KCNAB1: variants seen among roughly 807,000 people sequenced by gnomAD.
KCNAB1 encodes potassium voltage-gated channel subfamily A regulatory beta subunit 1.
KCNAB1 carries 35 observed loss-of-function variants against 64.6 expected under a neutral mutation model. The observed-to-expected ratio is 0.54, with a 90% confidence interval of 0.41 to 0.72. The LOEUF is 0.72. Among genes scored for constraint, KCNAB1 ranks in the 30% least tolerant of loss-of-function variants. KCNAB1 has a pLI of 0.00. For synonymous variants in KCNAB1, 177 were observed against 183.8 expected (o/e 0.96, Z 0.30); for missense variants, 401 against 512.9 (o/e 0.78, Z 2.11).
chr3:156,165,391 C>T (rs1212436059), intron 1 of KCNAB1, among the ~76,000 whole-genome samples: 1 of 151,346 alleles, frequency 6.6e-6, no homozygotes, highest in African/African-American at 2.4e-5. Context: ...AACTGACGGA[C>T]CCAGGCCTGT....
chr3:156,471,090 T>G (rs1459236017), intron 7 of KCNAB1, among the ~76,000 whole-genome samples: 3 of 152,208 alleles, frequency 2.0e-5, no homozygotes, highest in Non-Finnish European at 2.9e-5. Context: ...GAAAAGCAAG[T>G]GCGTGGTAGG....
At chr3:156,249,558 T>C (rs1335997978) in intron 1 of KCNAB1, among the ~76,000 whole-genome samples, 6 of 64,526 alleles carry the variant, frequency 9.3e-5, no homozygotes, top group Admixed American at 1.7e-4. Context: ...CAAGACTCTG[T>C]CTAAAAAAAA....
rs114135990 is a variant in KCNAB1, at chr3:156,388,177, G to C, written c.276-33439G>C. On this transcript the variant is annotated intron_variant, in intron 1 of 13. Transcript: ENST00000490337. ...TGAAATATGTATGATATGGTAACCA[G>C]TGCCAGAACCCTGCAGACCCAGCAA... Among the ~76,000 whole-genome samples, 1,287 of 152,294 alleles carry C rather than the reference G, an allele frequency of 8.5e-3. 19 individuals are homozygous for C. The highest frequency in any genetic ancestry group is 0.03 in the African/African-American group (1,230 of 41,560).
intron 1 of KCNAB1, among the ~76,000 whole-genome samples, chr3:156,418,173 C>T (rs989279153): frequency 9.2e-5 from 14 of 152,174 alleles, no homozygotes; most frequent in Admixed American, 2.6e-4. Flanking sequence ...AAAAATAATT[C>T]ATTCTAATTG....
At chr3:156,300,968 A>G (rs754832889) in intron 1 of KCNAB1, among the ~76,000 whole-genome samples, 12 of 152,234 alleles carry the variant, frequency 7.9e-5, no homozygotes, top group Admixed American at 1.3e-4. Flanking sequence ...TATGACTGCT[A>G]TGATTAACAA....
chr3:156,196,881 A>G (rs754137861), intron 1 of KCNAB1, among the ~76,000 whole-genome samples: 24 of 152,110 alleles, frequency 1.6e-4, no homozygotes, highest in Middle Eastern at 3.2e-3. Context: ...ACTTGTGCCA[A>G]TTTTCAAACG....
intron 8 of KCNAB1, among the ~76,000 whole-genome samples, chr3:156,503,825 C>T (rs1716628118): frequency 6.6e-6 from 1 of 152,096 alleles, no homozygotes; most frequent in South Asian, 2.1e-4. Context: ...TGATATTTTG[C>T]TACCTGTATA....
chr3:156,513,312 CA>C (rs1717339596), intron 8 of KCNAB1, among the ~76,000 whole-genome samples: 1 of 152,054 alleles, frequency 6.6e-6, no homozygotes, highest in African/African-American at 2.4e-5. Context: ...TGTTCCGTAT[CA>C]ATCTAGACAG....
At chr3:156,118,884 CT>C (rs1040447906), upstream of KCNAB1, among the ~76,000 whole-genome samples, 25 of 152,238 alleles carry the variant, frequency 1.6e-4, no homozygotes, top group African/African-American at 6.0e-4. Context: ...GCCAGAACTC[CT>C]CAATGACTCA....
At chr3:156,207,422 T>G (rs78074846) in intron 1 of KCNAB1, among the ~76,000 whole-genome samples, 271 of 152,312 alleles carry the variant, frequency 1.8e-3, no homozygotes, top group African/African-American at 6.0e-3. Context: ...AAATATTCCC[T>G]CCTCTCTTTT....
At chr3:156,179,492 A>C (rs1483394178) in intron 1 of KCNAB1, among the ~76,000 whole-genome samples, 2 of 116,496 alleles carry the variant, frequency 1.7e-5, no homozygotes, top group Non-Finnish European at 3.2e-5. Context: ...TTTCACGTGG[A>C]AGGACCCAGC....
At chr3:156,421,151 C>T (rs899529866) in intron 1 of KCNAB1, among the ~76,000 whole-genome samples, 4 of 152,174 alleles carry the variant, frequency 2.6e-5, no homozygotes, top group Non-Finnish European at 4.4e-5. Flanking sequence ...TAAGGCTCTA[C>T]TTACCGTGTG....
chr3:156,333,220 C>T (rs990527305), intron 1 of KCNAB1, among the ~76,000 whole-genome samples: 2 of 152,014 alleles, frequency 1.3e-5, no homozygotes, highest in African/African-American at 2.4e-5. Context: ...AGTAAGTTTC[C>T]CCCTTTTGGC....
chr3:156,182,704 T>TTA (rs1474198777), intron 1 of KCNAB1, among the ~76,000 whole-genome samples: 12 of 150,834 alleles, frequency 8.0e-5, no homozygotes, highest in Non-Finnish European at 1.6e-4. Flanking sequence ...AATTTTTTTT[T>TTA]TTTTTTTTTA....
chr3:156,452,931 G>A lies in KCNAB1; in HGVS notation c.352G>A (p.Asp118Asn), dbSNP rs746022942. The A allele has an allele frequency of 6.2e-7, 1 of 1,604,580 alleles. No homozygotes were observed. The highest frequency in any genetic ancestry group is 1.1e-5 in the South Asian group (1 of 89,970). The change falls in exon 3 of 14, where the codon GAT (aspartate) becomes AAT (asparagine). Residue 118 changes from aspartate to asparagine, a missense_variant. Asp to Asn is a conservative substitution (Grantham distance 23). Transcript: ENST00000490337. The surrounding 1 kb of genome is among the most constrained non-coding windows in gnomAD (Gnocchi z 4.6). ...GGTGACATTTGGAGGTCAAATTTCAGATGAGGTAAGTTACCTTTGGCCTCT... is the reference window on the plus strand; with the variant it reads ...GGTGACATTTGGAGGTCAAATTTCAAATGAGGTAAGTTACCTTTGGCCTCT... ...TWVTFGGQISDEVAERLMTIA... is the reference protein window; with the variant it reads ...TWVTFGGQISNEVAERLMTIA...
At chr3:156,145,883 A>T (rs1380916312) in intron 1 of KCNAB1, among the ~76,000 whole-genome samples, 1 of 152,148 alleles carries the variant, frequency 6.6e-6, no homozygotes, top group Non-Finnish European at 1.5e-5. Context: ...ATATAAATGG[A>T]TAAGAGAATA....
intron 12 of KCNAB1, among the ~76,000 whole-genome samples, chr3:156,525,149 T>C (rs1412171307): frequency 6.6e-6 from 1 of 151,506 alleles, no homozygotes; most frequent in Non-Finnish European, 1.5e-5. Flanking sequence ...TCCTTCTTAC[T>C]AGGAAAAAAA....
intron 1 of KCNAB1, among the ~76,000 whole-genome samples, chr3:156,326,948 T>G (rs1280128032): frequency 2.0e-5 from 3 of 152,140 alleles, no homozygotes. Flanking sequence ...GAAACAACAT[T>G]TATCATGTTG....
chr3:156,139,649 T>G lies in KCNAB1; in HGVS notation c.275+18763T>G, dbSNP rs553066956. ...TTTCTGGCCTTTTCTTTATAAGCTC[T>G]TATTTCTTCTTTCATGCTCAGGGCT... On this transcript the variant is annotated intron_variant, in intron 1 of 13. Coordinates refer to ENST00000490337, the MANE Select transcript of KCNAB1 (RefSeq NM_172160.3). 4.3e-3 allele frequency among the ~76,000 whole-genome samples: 636 copies of G among 148,010 alleles called. 7 individuals are homozygous for G. The highest frequency in any genetic ancestry group is 0.015 in the African/African-American group (593 of 40,396).
Sources: allele counts gnomAD v4.1 joint callset (sites outside exome capture counted in the v4.1 genomes callset), GRCh38; gene constraint gnomAD v4.1.1; non-coding constraint Gnocchi (gnomAD v3.1); transcripts MANE v1.5; gene names NCBI Gene and HGNC (gene_info 2026-07-23, HGNC 2026-07-21).